Variants in TMEM131 observed in about 807,000 individuals in gnomAD.
TMEM131 encodes the protein 2610524E03Rik.
In TMEM131, 66 loss-of-function variants were observed where a neutral mutation model predicts 211.6. That is an observed-to-expected ratio of 0.31 (90% CI 0.26 to 0.38). The LOEUF (loss-of-function observed/expected upper bound fraction) is 0.38. TMEM131 is among the 10% of genes least tolerant of loss of function. The pLI is 1.00. For synonymous variants in TMEM131, 844 were observed against 841.3 expected, an observed-to-expected ratio of 1.00 and a Z score of -0.06; for missense variants, 2,036 against 2,299.3, an observed-to-expected ratio of 0.89 and a Z score of 2.34.
chr2:97,818,927 C>A (rs969465866), intron 11 of TMEM131, among the ~76,000 whole-genome samples: 2 of 152,066 alleles, frequency 1.3e-5, no homozygotes, highest in African/African-American at 2.4e-5. Flanking sequence ...AGAAAATGAC[C>A]AGAGAATAAG....
intron 31 of TMEM131, among the ~76,000 whole-genome samples, chr2:97,780,302 G>C (rs1400334382): frequency 2.0e-5 from 3 of 152,102 alleles, no homozygotes; most frequent in Non-Finnish European, 4.4e-5. Context: ...CAATCGGTAG[G>C]AATGGATTCT....
intron 31 of TMEM131, among the ~76,000 whole-genome samples, chr2:97,784,439 A>G (rs1335294144): frequency 2.6e-5 from 4 of 152,264 alleles, no homozygotes; most frequent in Admixed American, 1.3e-4. Context: ...GTAGAAAGCA[A>G]TAACAGAAAG....
chr2:97,853,346 G>A (rs1438744558), intron 5 of TMEM131, among the ~76,000 whole-genome samples: 1 of 150,602 alleles, frequency 6.6e-6, no homozygotes, highest in Non-Finnish European at 1.5e-5. Context: ...TGTAATCCCA[G>A]CACTTTGGGA....
At chr2:97,874,005 TA>T (rs1297315880) in intron 4 of TMEM131, among the ~76,000 whole-genome samples, 2 of 152,082 alleles carry the variant, frequency 1.3e-5, no homozygotes, top group Non-Finnish European at 2.9e-5. Flanking sequence ...TTAACTAGAA[TA>T]ACCAGTGTAG....
At chr2:97,956,401 G>A (rs1180811143) in intron 1 of TMEM131, among the ~76,000 whole-genome samples, 6 of 152,146 alleles carry the variant, frequency 3.9e-5, no homozygotes, top group Admixed American at 3.3e-4. Flanking sequence ...TGATTATACA[G>A]AGAACAATTA....
chr2:97,893,581 AT>A (rs1360205998), intron 3 of TMEM131, among the ~76,000 whole-genome samples: 5 of 152,290 alleles, frequency 3.3e-5, no homozygotes, highest in African/African-American at 9.6e-5. Flanking sequence ...AATGATCGCC[AT>A]TCTAACTGGC....
chr2:97,824,877 G>A (rs547308272), intron 11 of TMEM131, among the ~76,000 whole-genome samples: 96 of 152,312 alleles, frequency 6.3e-4, no homozygotes, highest in African/African-American at 1.9e-3. Context: ...TACAAAAACC[G>A]AATGGTCAGT....
intron 1 of TMEM131, among the ~76,000 whole-genome samples, chr2:97,975,010 CAT>C (rs1679470032): frequency 6.6e-6 from 1 of 152,236 alleles, no homozygotes; most frequent in African/African-American, 2.4e-5. Context: ...CAGCAGAAGA[CAT>C]ATTCTTCTCA....
At chr2:97,810,047 A>G (rs1364876406) in intron 18 of TMEM131, among the ~76,000 whole-genome samples, 1 of 152,200 alleles carries the variant, frequency 6.6e-6, no homozygotes, top group African/African-American at 2.4e-5. Context: ...ATGAAGACAG[A>G]TTTTTTAAAA....
In TMEM131 at chr2:97,845,039, C is replaced by T. The variant is rs188380884; in HGVS notation, c.484-778G>A. ...GAAGAAAGCGAGAGTATGTCTCCTA[C>T]ATTACCACCAACAAAAGAGTAACTT... is the stretch of plus-strand genomic sequence containing the variant. On this transcript the variant is annotated intron_variant, in intron 5 of 40. Transcript: ENST00000186436. 4.1e-4 allele frequency among the ~76,000 whole-genome samples: 62 copies of T among 152,032 alleles called. 1 individual carries two copies. The highest frequency in any genetic ancestry group is 1.6e-3 in the Admixed American group (24 of 15,280).
chr2:97,825,428 C>A (rs1473442503), intron 11 of TMEM131, among the ~76,000 whole-genome samples: 1 of 152,186 alleles, frequency 6.6e-6, no homozygotes, highest in African/African-American at 2.4e-5. Flanking sequence ...ACTGGCTTAT[C>A]CTCACCCTAA....
chr2:97,890,406 T>C (rs1163484082), intron 3 of TMEM131, among the ~76,000 whole-genome samples: 3 of 152,058 alleles, frequency 2.0e-5, no homozygotes, highest in Non-Finnish European at 4.4e-5. Flanking sequence ...AGAAAACAGG[T>C]TGTGCTGATG....
chr2:97,826,970 C>A (rs1039519222), intron 11 of TMEM131, among the ~76,000 whole-genome samples: 3 of 150,530 alleles, frequency 2.0e-5, no homozygotes, highest in African/African-American at 7.3e-5. Context: ...AAAGGTCCGA[C>A]CAGACCTAGG....
chr2:97,986,187 C>T (rs774704944), intron 1 of TMEM131, among the ~76,000 whole-genome samples: 3 of 152,100 alleles, frequency 2.0e-5, no homozygotes, highest in Non-Finnish European at 2.9e-5. Flanking sequence ...ATTAAAACAA[C>T]GTGACAACTT....
At chr2:97,787,887 C>T (rs562458985) in intron 31 of TMEM131, among the ~76,000 whole-genome samples, 12 of 152,252 alleles carry the variant, frequency 7.9e-5, no homozygotes, top group Non-Finnish European at 1.8e-4. Context: ...TGAAACCTTA[C>T]ACTCACACCT....
chr2:97,943,100 A>AGAAAGAAAGAAG (rs1491111163), intron 1 of TMEM131, among the ~76,000 whole-genome samples: 1 of 149,574 alleles, frequency 6.7e-6, no homozygotes, highest in East Asian at 2.0e-4. Flanking sequence ...AAAGAAAGAA[A>AGAAAGAAAGAAG]GAGCTGGGTG....
chr2:97,859,523 ATAGC>A (rs1250866617), intron 4 of TMEM131, 96 bp from the exon 5 acceptor site: 142 of 963,962 alleles, frequency 1.5e-4, no homozygotes, highest in Admixed American at 3.0e-4. Context: ...AGACAAATAC[ATAGC>A]TAAATATATT....
intron 1 of TMEM131, among the ~76,000 whole-genome samples, chr2:97,930,326 T>C (rs1329466516): frequency 1.3e-5 from 2 of 151,816 alleles, no homozygotes; most frequent in Non-Finnish European, 2.9e-5. Flanking sequence ...CCAGAAGAAA[T>C]GCTGATCTAA....
chr2:97,814,348 G>T lies in TMEM131; in HGVS notation c.1333C>A (p.Arg445=). The change falls in exon 14 of 41, where the codon CGA becomes AGA. Residue 445 remains arginine (R), a synonymous_variant. Transcript: ENST00000186436. ...TCCACAGGATCAGCAGGGCTGTCTC[G>T]GATGTGAAATAATGTTGCAGCATGA... ...FDHAATLFHI[R]DSPADPVERP... is the part of the protein sequence containing the mutation. 6.2e-7 allele frequency: 1 copy of T among 1,612,708 alleles called. No homozygotes were observed. Among genetic ancestry groups the T allele is most frequent in the Non-Finnish European group, 8.5e-7 (1 of 1,179,430 alleles).
Sources: gnomAD v4.1 joint callset for allele counts (sites outside exome capture counted in the v4.1 genomes callset) on GRCh38, gnomAD v4.1.1 for gene constraint, MANE v1.5 for transcripts, NCBI Gene and HGNC (gene_info 2026-07-23, HGNC 2026-07-21) for gene names.